The following LRRTM4 variants were observed in gnomAD, a reference collection of about 807,000 sequenced individuals.
LRRTM4 encodes leucine-rich repeat transmembrane neuronal protein 4.
In LRRTM4, 25 loss-of-function variants were observed where a neutral mutation model predicts 47.6. The ratio of observed to expected loss-of-function variants is 0.53; its 90% CI spans 0.38 to 0.73. The LOEUF is 0.73. Ranked by LOEUF, LRRTM4 falls within the 30% of genes least tolerant of loss-of-function variation. The probability of loss-of-function intolerance (pLI) is 0.00; values close to 1 mark genes in which losing one functional copy is unlikely to be tolerated. For synonymous variants in LRRTM4, 311 were observed against 269.5 expected, an observed-to-expected ratio of 1.15 and a Z score of -1.51; for missense variants, 638 against 713.4, an observed-to-expected ratio of 0.89 and a Z score of 1.20.
chr2:76,951,412 C>T (rs1198519151), intron 3 of LRRTM4, among the ~76,000 whole-genome samples: 1 of 151,934 alleles, frequency 6.6e-6, no homozygotes, highest in African/African-American at 2.4e-5. Flanking sequence ...TACCGTTAAC[C>T]TAGAGTTTCA....
At chr2:77,380,385 G>A (rs918771066) in intron 3 of LRRTM4, among the ~76,000 whole-genome samples, 1 of 151,970 alleles carries the variant, frequency 6.6e-6, no homozygotes, top group African/African-American at 2.4e-5. Context: ...ATTTGACCCA[G>A]GAATTCAGCT....
chr2:77,047,269 C>CT (rs905773369), intron 3 of LRRTM4, among the ~76,000 whole-genome samples: 115 of 150,996 alleles, frequency 7.6e-4, no homozygotes, highest in Middle Eastern at 3.2e-3. Flanking sequence ...TATTATTTCT[C>CT]TTTTTTTCAC....
At chr2:76,877,168 G>A (rs1672801565) in intron 3 of LRRTM4, among the ~76,000 whole-genome samples, 1 of 151,990 alleles carries the variant, frequency 6.6e-6, no homozygotes, top group African/African-American at 2.4e-5. Context: ...TGTCTGCTCT[G>A]TTTCTTCAGC....
At chr2:76,806,762 A>C (rs1224801415) in intron 3 of LRRTM4, among the ~76,000 whole-genome samples, 1 of 152,140 alleles carries the variant, frequency 6.6e-6, no homozygotes, top group Non-Finnish European at 1.5e-5. Context: ...TCAAAAGAAA[A>C]TGACAGTTTA....
chr2:77,473,155 T>A (rs940334335), intron 3 of LRRTM4, among the ~76,000 whole-genome samples: 2 of 152,088 alleles, frequency 1.3e-5, no homozygotes, highest in Admixed American at 6.6e-5. Flanking sequence ...AACATTATCT[T>A]CCCTGCCCGT....
At chr2:77,218,548 C>T (rs1320663151) in intron 3 of LRRTM4, among the ~76,000 whole-genome samples, 6 of 147,944 alleles carry the variant, frequency 4.1e-5, no homozygotes, top group Non-Finnish European at 7.5e-5. Flanking sequence ...ATTTATTGTT[C>T]CTGGGATATT....
chr2:77,205,321 T>C (rs1487582694), intron 3 of LRRTM4, among the ~76,000 whole-genome samples: 1 of 152,142 alleles, frequency 6.6e-6, no homozygotes, highest in African/African-American at 2.4e-5. Flanking sequence ...GATATTGGAA[T>C]GTACCGTGGA....
intron 3 of LRRTM4, among the ~76,000 whole-genome samples, chr2:77,486,438 T>A (rs1371739624): frequency 1.3e-5 from 2 of 152,156 alleles, no homozygotes; most frequent in African/African-American, 2.4e-5. Context: ...TAATGTAATA[T>A]AAGAAACTGT....
intron 3 of LRRTM4, among the ~76,000 whole-genome samples, chr2:77,095,196 A>T (rs1670772543): frequency 6.6e-6 from 1 of 152,220 alleles, no homozygotes; most frequent in Non-Finnish European, 1.5e-5. Flanking sequence ...TTAAAACCAC[A>T]GTGAGATACT....
At chr2:76,766,179 T>C (rs1034231959) in intron 3 of LRRTM4, among the ~76,000 whole-genome samples, 4 of 152,172 alleles carry the variant, frequency 2.6e-5, no homozygotes, top group Non-Finnish European at 5.9e-5. Flanking sequence ...CTCCATTACA[T>C]AGTACAGATC....
intron 3 of LRRTM4, among the ~76,000 whole-genome samples, chr2:77,377,201 G>C (rs1672872133): frequency 6.6e-6 from 1 of 151,732 alleles, no homozygotes; most frequent in African/African-American, 2.4e-5. Flanking sequence ...GGCTAATTTT[G>C]TTCATTTTTC....
intron 3 of LRRTM4, among the ~76,000 whole-genome samples, chr2:77,417,850 A>T (rs555109971): frequency 6.6e-6 from 1 of 152,148 alleles, no homozygotes; most frequent in Admixed American, 6.5e-5. Flanking sequence ...AACATGGCAC[A>T]TGTATACATA....
intron 3 of LRRTM4, among the ~76,000 whole-genome samples, chr2:76,987,937 A>C (rs977313017): frequency 2.6e-5 from 4 of 151,930 alleles, no homozygotes; most frequent in African/African-American, 9.7e-5. Context: ...TTGCTATGGA[A>C]TATATTTATT....
intron 3 of LRRTM4, among the ~76,000 whole-genome samples, chr2:77,023,136 G>T (rs1445175217): frequency 6.6e-6 from 1 of 152,222 alleles, no homozygotes; most frequent in Non-Finnish European, 1.5e-5. Flanking sequence ...AGCTGCCAGG[G>T]CTTGGGGTTT....
intron 3 of LRRTM4, among the ~76,000 whole-genome samples, chr2:76,890,283 G>T (rs1217058905): frequency 1.3e-5 from 2 of 151,944 alleles, no homozygotes; most frequent in African/African-American, 2.4e-5. Flanking sequence ...AATACTTTTA[G>T]TCCATAGGCT....
At chr2:77,492,075 T>C (rs1009340474) in intron 3 of LRRTM4, among the ~76,000 whole-genome samples, 1 of 152,100 alleles carries the variant, frequency 6.6e-6, no homozygotes, top group Non-Finnish European at 1.5e-5. Flanking sequence ...TTGAATTATA[T>C]GTAAATATAT....
chr2:76,843,784 A>C (rs1671756321), intron 3 of LRRTM4, among the ~76,000 whole-genome samples: 1 of 152,198 alleles, frequency 6.6e-6, no homozygotes, highest in Non-Finnish European at 1.5e-5. Flanking sequence ...AGTTTATTCT[A>C]CAATACTACT....
At chr2:76,864,917 T>C (rs538869240) in intron 3 of LRRTM4, among the ~76,000 whole-genome samples, 1 of 150,998 alleles carries the variant, frequency 6.6e-6, no homozygotes, top group Admixed American at 6.6e-5. Flanking sequence ...TAATTTTTTT[T>C]ATAGAGACAG....
chr2:77,278,614 A>G (rs142467478), intron 3 of LRRTM4, among the ~76,000 whole-genome samples: 1 of 152,134 alleles, frequency 6.6e-6, no homozygotes, highest in African/African-American at 2.4e-5. Context: ...AAAAGTAAAA[A>G]TGTGACTTTC....
Sources: allele counts gnomAD v4.1 joint callset (sites outside exome capture counted in the v4.1 genomes callset), GRCh38; gene constraint gnomAD v4.1.1; transcripts MANE v1.5; gene names NCBI Gene and HGNC (gene_info 2026-07-23, HGNC 2026-07-21).